The following MIER2 variants were observed in gnomAD, a reference collection of about 807,000 sequenced individuals.
The protein encoded by MIER2 is MIER family member 2, also known as mesoderm induction early response protein 2.
Under a neutral mutation model 67.6 loss-of-function variants are expected in MIER2, and 30 were observed. The observed-to-expected ratio is 0.44, with a 90% CI of 0.33 to 0.60. MIER2 has a LOEUF of 0.60. MIER2 is among the 20% of genes least tolerant of loss of function. The probability of loss-of-function intolerance (pLI) is 0.02; values close to 1 mark genes in which losing one functional copy is unlikely to be tolerated. For missense variants in MIER2, 702 were observed against 745.1 expected (o/e 0.94, Z 0.67); for synonymous variants, 372 against 312.6 (o/e 1.19, Z -2.00).
chr19:309,242 C>T (rs1970809058), intron 10 of MIER2, among the ~76,000 whole-genome samples: 1 of 152,200 alleles, frequency 6.6e-6, no homozygotes, highest in Non-Finnish European at 1.5e-5. Context: ...CCTCTGTCTA[C>T]TGCTCACCCA....
chr19:311,024 G>A (rs1970977158), intron 10 of MIER2, among the ~76,000 whole-genome samples: 1 of 152,236 alleles, frequency 6.6e-6, no homozygotes, highest in African/African-American at 2.4e-5. Context: ...ACAGTCACCT[G>A]AGCAATGTCC....
At chr19:318,506 T>A (rs1971356580) in intron 7 of MIER2, among the ~76,000 whole-genome samples, 1 of 152,078 alleles carries the variant, frequency 6.6e-6, no homozygotes, top group Admixed American at 6.6e-5. Flanking sequence ...AGGAGGTCAT[T>A]AACAATCTTT....
At position 308,774 on chromosome 19, in the gene MIER2, G is replaced by A. The variant is rs201557091; in HGVS notation, c.1109+27C>T. The A allele has an allele frequency of 1.2e-5, 19 of 1,595,918 alleles. No individual in the cohort carries two copies. Among genetic ancestry groups the A allele is most frequent in the Admixed American group, 6.7e-5 (4 of 59,402 alleles). ...ACCCCCGGCGGGGTGGCCGCCTGTCGTTACTGCTGGGGAGGGCTGCACGCA... is the reference window on the plus strand; with the variant it reads ...ACCCCCGGCGGGGTGGCCGCCTGTCATTACTGCTGGGGAGGGCTGCACGCA... On this transcript the variant is annotated intron_variant, in intron 11 of 13. Transcript: ENST00000264819. The surrounding 1 kb of genome is among the most constrained non-coding windows in gnomAD (Gnocchi z 9.1).
chr19:315,825 C>A (rs1971213533), intron 7 of MIER2, among the ~76,000 whole-genome samples: 2 of 152,200 alleles, frequency 1.3e-5, no homozygotes. Context: ...ACGACTGATA[C>A]CAACCCACAG....
At chr19:342,281 G>A (rs1972541937) in intron 1 of MIER2, among the ~76,000 whole-genome samples, 1 of 152,182 alleles carries the variant, frequency 6.6e-6, no homozygotes, top group Non-Finnish European at 1.5e-5. Context: ...ACATGGAGTT[G>A]CTAGTTTTGG....
In MIER2 at chr19:308,872, C is replaced by G. The variant is rs1970792042; in HGVS notation, c.1038G>C (p.Lys346Asn). The G allele has an allele frequency of 6.2e-7, 1 of 1,611,654 alleles. No homozygotes were observed. The highest frequency in any genetic ancestry group is 1.3e-5 in the African/African-American group (1 of 74,876). ...ECVEYYYLWK[K>N]SERYDYFAQQ... ...GGGCGAAGTAGTCGTAGCGCTCCGACTTCTTCCACAGGTAGTAGTACTCGA... is the reference window on the plus strand; with the variant it reads ...GGGCGAAGTAGTCGTAGCGCTCCGAGTTCTTCCACAGGTAGTAGTACTCGA... The change falls in exon 11 of 14, where the codon AAG becomes AAC. Residue 346 changes from lysine to asparagine, a missense_variant. Coordinates refer to ENST00000264819, the MANE Select transcript of MIER2 (RefSeq NM_017550.3). This position sits in a 1 kb window ranked among gnomAD's most constrained non-coding sequence, Gnocchi z 9.1.
chr19:344,697 G>A, intron 1 of MIER2, 77 bp downstream of exon 1: 1 of 978,126 alleles, frequency 1.0e-6, no homozygotes, highest in Non-Finnish European at 1.3e-6. Flanking sequence ...TGGGGCCCAC[G>A]ACGAGGCCGA....
At chr19:341,746 G>A (rs1025208635) in intron 1 of MIER2, among the ~76,000 whole-genome samples, 1 of 152,128 alleles carries the variant, frequency 6.6e-6, no homozygotes, top group Non-Finnish European at 1.5e-5. Flanking sequence ...GCAGGCCAAC[G>A]GTATTCCAGG....
chr19:344,137 G>A (rs1972630996), intron 1 of MIER2: 2 of 985,308 alleles, frequency 2.0e-6, no homozygotes, highest in Admixed American at 6.1e-5. Flanking sequence ...CCCGGGAGAG[G>A]CTGGTCCAAC....
chr19:316,874 C>T (rs923794943), intron 7 of MIER2, among the ~76,000 whole-genome samples: 1 of 151,898 alleles, frequency 6.6e-6, no homozygotes, highest in Admixed American at 6.6e-5. Context: ...GAGGCTGAGG[C>T]AGGAGAATCG....
chr19:344,053 T>C (rs4897853), intron 1 of MIER2: 745,623 of 985,222 alleles, frequency 0.76, 282,724 homozygotes, highest in African/African-American at 0.88. Context: ...ATATAGCTGG[T>C]CCCAAACATT....
intron 3 of MIER2, among the ~76,000 whole-genome samples, chr19:332,077 T>C (rs913535724): frequency 6.6e-6 from 1 of 152,224 alleles, no homozygotes; most frequent in Non-Finnish European, 1.5e-5. Context: ...TTTTTTTCTT[T>C]TGGGACAGTT....
At chr19:329,075 T>C (rs560113951) in intron 3 of MIER2, among the ~76,000 whole-genome samples, 1 of 152,332 alleles carries the variant, frequency 6.6e-6, no homozygotes, top group South Asian at 2.1e-4. Context: ...GACTCCACGC[T>C]GATCCCTGTG....
rs144441361 is a variant in MIER2 at position 310,161 on chromosome 19, G to A, written c.985-1236C>T. 5.4e-4 allele frequency among the ~76,000 whole-genome samples: 82 copies of A among 151,260 alleles called. 1 individual carries two copies. The highest frequency in any genetic ancestry group is 1.9e-3 in the African/African-American group (76 of 40,568). ...GGCAACACCTCCAACATCTCCACCC[G>A]GGAGGCTCATCCCACAGAGAGCTTG... On this transcript the variant is annotated intron_variant, in intron 10 of 13. Coordinates refer to ENST00000264819, the MANE Select transcript of MIER2 (RefSeq NM_017550.3).
In MIER2 at chr19:308,699, C is replaced by T; in HGVS notation, c.1110-34G>A. The T allele has an allele frequency of 6.3e-7, 1 of 1,598,814 alleles. No homozygotes were observed. Among genetic ancestry groups the T allele is most frequent in the Non-Finnish European group, 8.5e-7 (1 of 1,173,694 alleles). On this transcript the variant is annotated intron_variant, in intron 11 of 13. Transcript: ENST00000264819. The surrounding 1 kb of genome is among the most constrained non-coding windows in gnomAD (Gnocchi z 9.1). The stretch of plus-strand genomic sequence containing the variant: ...AGAGGGCGCCATGAGGGGCGGCAGA[C>T]AGGACAGACGCCCCCACCCAAGAGG...
intron 13 of MIER2, 33 bp downstream of exon 13, chr19:307,086 T>C (rs540755650): frequency 5.8e-6 from 9 of 1,547,450 alleles, no homozygotes; most frequent in Admixed American, 1.9e-5. Flanking sequence ...GGTTGGAGTG[T>C]TGCGGAGGCT....
intron 1 of MIER2, among the ~76,000 whole-genome samples, chr19:336,784 A>T (rs1410126224): frequency 6.6e-6 from 1 of 151,680 alleles, no homozygotes; most frequent in Non-Finnish European, 1.5e-5. Flanking sequence ...GTCAATTACA[A>T]TTTTTTTTTA....
chr19:331,961 A>C (rs2145507900), intron 3 of MIER2, among the ~76,000 whole-genome samples: 1 of 152,320 alleles, frequency 6.6e-6, no homozygotes, highest in East Asian at 1.9e-4. Flanking sequence ...AGCCTGGGAA[A>C]CAGAGCAAGA....
At chr19:343,407 TG>T (rs1972588840) in intron 1 of MIER2, among the ~76,000 whole-genome samples, 1 of 152,212 alleles carries the variant, frequency 6.6e-6, no homozygotes, top group Admixed American at 6.5e-5. Context: ...ACCATCTGCA[TG>T]GGGACTCAGT....
Sources: gnomAD v4.1 joint callset for allele counts (sites outside exome capture counted in the v4.1 genomes callset) on GRCh38, gnomAD v4.1.1 for gene constraint, Gnocchi (gnomAD v3.1) non-coding constraint, MANE v1.5 for transcripts, NCBI Gene and HGNC (gene_info 2026-07-23, HGNC 2026-07-21) for gene names.